CSMD1: variants seen among roughly 807,000 people sequenced by gnomAD.
CSMD1 encodes CUB and Sushi multiple domains 1.
Under a neutral mutation model 417.5 loss-of-function variants are expected in CSMD1, and 213 were observed. The observed-to-expected ratio is 0.51, with a 90% CI of 0.46 to 0.57. The LOEUF is 0.57. Among genes scored for constraint, CSMD1 ranks in the 20% least tolerant of loss-of-function variants. CSMD1 has a pLI of 0.00. For missense variants in CSMD1, 6,923 were observed against 4,529.7 expected, an observed-to-expected ratio of 1.53 and a Z score of -15.17; for synonymous variants, 2,862 against 1,736.8, an observed-to-expected ratio of 1.65 and a Z score of -16.11.
rs150910824 is a variant in CSMD1 at position 4,281,927 on chromosome 8, G to C, written c.415+138026C>G. Among the ~76,000 whole-genome samples, 8 of 152,306 alleles carry C rather than the reference G, an allele frequency of 5.3e-5. No individual in the cohort carries two copies. In the East Asian group the frequency reaches 1.4e-3, roughly 26 times the overall value. On this transcript the variant is annotated intron_variant, in intron 3 of 69. Coordinates refer to ENST00000635120, the MANE Select transcript of CSMD1 (RefSeq NM_033225.6). ...GGTTAAGTGACGTTTTGATGACATA[G>C]ATGCTGGTGAATGTGCCTGTTAGGG... is the stretch of plus-strand genomic sequence containing the variant.
chr8:4,948,194 C>G (rs1017696102), intron 1 of CSMD1, among the ~76,000 whole-genome samples: 1 of 151,978 alleles, frequency 6.6e-6, no homozygotes, highest in African/African-American at 2.4e-5. Context: ...GCTATTGCTA[C>G]AGGTCATAAT....
intron 3 of CSMD1, among the ~76,000 whole-genome samples, chr8:4,275,925 C>G (rs981266072): frequency 1.2e-4 from 19 of 152,146 alleles, no homozygotes; most frequent in African/African-American, 4.3e-4. Context: ...TTAAATGATA[C>G]TTTGTGTAAA....
chr8:3,183,051 C>T (rs182540415), intron 36 of CSMD1: 120 of 152,094 alleles, frequency 7.9e-4, no homozygotes, highest in African/African-American at 2.9e-3. Flanking sequence ...AGCCACCGCA[C>T]CCGGCCTAGA....
At chr8:3,561,086 C>G (rs1447043330) in intron 10 of CSMD1, among the ~76,000 whole-genome samples, 1 of 152,162 alleles carries the variant, frequency 6.6e-6, no homozygotes, top group Non-Finnish European at 1.5e-5. Flanking sequence ...ATTAGAACCA[C>G]AGTGAGATGC....
intron 3 of CSMD1, among the ~76,000 whole-genome samples, chr8:4,149,475 G>A (rs1170727486): frequency 6.6e-6 from 1 of 152,142 alleles, no homozygotes; most frequent in African/African-American, 2.4e-5. Context: ...CAATATATTT[G>A]AAGGATTACT....
At chr8:4,779,249 T>C (rs185413054) in intron 1 of CSMD1, among the ~76,000 whole-genome samples, 43 of 152,188 alleles carry the variant, frequency 2.8e-4, no homozygotes, top group African/African-American at 8.2e-4. Flanking sequence ...CCTGTAGAAA[T>C]TGACATTACT....
At chr8:4,977,933 T>C (rs1810659179) in intron 1 of CSMD1, among the ~76,000 whole-genome samples, 1 of 152,204 alleles carries the variant, frequency 6.6e-6, no homozygotes, top group South Asian at 2.1e-4. Context: ...ACCCAAGACC[T>C]CACAAGCTAT....
chr8:4,447,495 A>T (rs1798882843), intron 2 of CSMD1, among the ~76,000 whole-genome samples: 1 of 152,214 alleles, frequency 6.6e-6, no homozygotes, highest in African/African-American at 2.4e-5. Flanking sequence ...TAAATCTAAG[A>T]TGTGAATGTT....
chr8:4,752,461 G>T (rs1028420093), intron 1 of CSMD1, among the ~76,000 whole-genome samples: 9 of 152,130 alleles, frequency 5.9e-5, no homozygotes, highest in African/African-American at 2.2e-4. Context: ...ACTACCTCGG[G>T]TGATGAAGGA....
chr8:3,306,973 TTCTTTTA>T (rs1804908006), intron 25 of CSMD1, among the ~76,000 whole-genome samples: 1 of 152,152 alleles, frequency 6.6e-6, no homozygotes, highest in African/African-American at 2.4e-5. Context: ...TGCAATGATT[TTCTTTTA>T]TATGTGTTAC....
chr8:4,293,366 A>G (rs960316473), intron 3 of CSMD1, among the ~76,000 whole-genome samples: 1 of 152,210 alleles, frequency 6.6e-6, no homozygotes, highest in Non-Finnish European at 1.5e-5. Context: ...AGTAAGTCCA[A>G]TCTAAATTTA....
chr8:3,964,301 C>T (rs188085080), intron 5 of CSMD1, among the ~76,000 whole-genome samples: 1 of 152,202 alleles, frequency 6.6e-6, no homozygotes, highest in Non-Finnish European at 1.5e-5. Context: ...GAGCGTTCCA[C>T]AGTCACGCGG....
At chr8:4,064,682 T>G (rs541090582) in intron 3 of CSMD1, among the ~76,000 whole-genome samples, 1 of 152,222 alleles carries the variant, frequency 6.6e-6, no homozygotes, top group African/African-American at 2.4e-5. Context: ...CCTCCAACAC[T>G]GCTGCTGCCC....
intron 2 of CSMD1, among the ~76,000 whole-genome samples, chr8:4,454,112 G>A (rs1029276998): frequency 3.3e-5 from 5 of 152,120 alleles, no homozygotes; most frequent in Non-Finnish European, 1.5e-5. Context: ...GTGAGCCACT[G>A]TGCCCAGCCT....
intron 2 of CSMD1, among the ~76,000 whole-genome samples, chr8:4,452,137 G>C (rs992927574): frequency 2.0e-5 from 3 of 152,096 alleles, no homozygotes; most frequent in African/African-American, 7.2e-5. Context: ...ACAAACACCA[G>C]CTTTCATTGT....
intron 3 of CSMD1, among the ~76,000 whole-genome samples, chr8:4,252,172 G>T (rs1205496681): frequency 1.3e-5 from 2 of 152,064 alleles, no homozygotes; most frequent in Admixed American, 6.6e-5. Context: ...ATAGAAAGCT[G>T]GGGTGGGGAG....
intron 1 of CSMD1, among the ~76,000 whole-genome samples, chr8:4,960,662 T>G (rs11984699): frequency 6.6e-6 from 1 of 151,992 alleles, no homozygotes; most frequent in African/African-American, 2.4e-5. Flanking sequence ...TGTACATCCA[T>G]TCATACGTAC....
chr8:4,622,927 T>C (rs1444893048), intron 2 of CSMD1, among the ~76,000 whole-genome samples: 1 of 152,136 alleles, frequency 6.6e-6, no homozygotes, highest in Non-Finnish European at 1.5e-5. Context: ...GGAATACAGA[T>C]TAATATTTTA....
At chr8:4,329,189 G>T (rs531214103) in intron 3 of CSMD1, among the ~76,000 whole-genome samples, 35 of 152,280 alleles carry the variant, frequency 2.3e-4, no homozygotes, top group African/African-American at 7.2e-4. Context: ...AGAATAACAA[G>T]TATAGAGATG....
Sources: gnomAD v4.1 joint callset for allele counts (sites outside exome capture counted in the v4.1 genomes callset) on GRCh38, gnomAD v4.1.1 for gene constraint, MANE v1.5 for transcripts, NCBI Gene and HGNC (gene_info 2026-07-23, HGNC 2026-07-21) for gene names.